MEX3B: variants seen among roughly 807,000 people sequenced by gnomAD.
MEX3B encodes the protein mex-3 RNA binding family member B, also known as RNA-binding protein MEX3B.
In MEX3B, 10 loss-of-function variants were observed where a neutral mutation model predicts 12.2. The observed-to-expected ratio is 0.82, with a 90% CI of 0.51 to 1.40. MEX3B has a LOEUF of 1.40. Among genes scored for constraint, MEX3B ranks in the 40% most tolerant of loss-of-function variants. The pLI is 0.00. For synonymous variants in MEX3B, 498 were observed against 356.3 expected, an observed-to-expected ratio of 1.40 and a Z score of -4.48; for missense variants, 839 against 801.4, an observed-to-expected ratio of 1.05 and a Z score of -0.57.
rs760776824 is a variant in MEX3B, at chr15:82,044,435, C to T, written c.435G>A (p.Thr145=). The change falls in exon 2 of 2, where the codon ACG becomes ACA. Residue 145 remains threonine (T), a synonymous_variant. Transcript: ENST00000329713. The surrounding 1 kb of genome is among the most constrained non-coding windows in gnomAD (Gnocchi z 5.3). ...SMIRASRNKN[T]ALNGAVPGPP... ...GCCCAGGCACCGCGCCGTTGAGTGCCGTGTTCTTATTCCGGGAGGCGCGGA... is the reference window on the plus strand; with the variant it reads ...GCCCAGGCACCGCGCCGTTGAGTGCTGTGTTCTTATTCCGGGAGGCGCGGA... The T allele has an allele frequency of 6.2e-7, 1 of 1,612,888 alleles. No homozygotes were observed. Among genetic ancestry groups the T allele is most frequent in the Admixed American group, 1.7e-5 (1 of 60,018 alleles).
At position 82,042,046 on chromosome 15, in the gene MEX3B, A is replaced by G. The variant is rs1052093237; in HGVS notation, c.*1114T>C. 5 of 152,664 alleles carry G rather than the reference A, an allele frequency of 3.3e-5. No individual in the cohort carries two copies. The South Asian group carries it at 1.0e-3, about 32-fold the overall frequency. 9.5% of individuals were successfully genotyped at this position (152,664 alleles called of 1,614,324 possible). A position where few individuals can be genotyped will look rare whatever the true frequency, so the allele number is the denominator to read the frequency against. ...CAAGTAACATCACCTACATATACATAAACAAGTGGTAAACAAATGTATTAA... is the reference window on the plus strand; with the variant it reads ...CAAGTAACATCACCTACATATACATGAACAAGTGGTAAACAAATGTATTAA... On this transcript the variant is annotated 3_prime_UTR_variant, in exon 2 of 2. Coordinates refer to ENST00000329713, the MANE Select transcript of MEX3B (RefSeq NM_032246.6).
intron 1 of MEX3B, 117 bp downstream of exon 1, chr15:82,045,333 T>C (rs2141170817): frequency 7.7e-7 from 1 of 1,292,578 alleles, no homozygotes; most frequent in Non-Finnish European, 1.1e-6. Context: ...CGGCTCTTCC[T>C]CTCTCCCCAA....
intron 1 of MEX3B, chr15:82,045,144 G>T: frequency 1.6e-6 from 1 of 607,584 alleles, no homozygotes; most frequent in East Asian, 2.7e-5. Context: ...ACTGATCAAA[G>T]GCCCCCTCCC....
rs1415311428 is a variant in MEX3B at position 82,045,579 on chromosome 15, G to A, written c.127C>T (p.Leu43=). The A allele has an allele frequency of 4.3e-6, 7 of 1,611,136 alleles. No homozygotes were observed. The South Asian group carries it at 6.6e-5, about 15-fold the overall frequency. The change falls in exon 1 of 2, where the codon CTG becomes TTG. Residue 43 remains leucine, a synonymous_variant. Coordinates refer to ENST00000329713, the MANE Select transcript of MEX3B (RefSeq NM_032246.6). The part of the protein sequence containing the change: ...ALQLALDQLS[L]LGLDSDEGAS... The stretch of plus-strand genomic sequence containing the variant: ...CCCTCGTCACTGTCCAGCCCCAGCA[G>A]GGAGAGCTGGTCGAGCGCGAGCTGC...
In MEX3B at chr15:82,042,161, TTC is replaced by T. The variant is rs1463165455; in HGVS notation, c.*997_*998del. On this transcript the variant is annotated 3_prime_UTR_variant, in exon 2 of 2. Transcript: ENST00000329713. ...TACAAATGTTAGAAAGCATCAACAG[TTC>T]TTTTTGACATGTTTATACATTTCCG... 1 of 152,622 alleles carries T rather than the reference TTC, an allele frequency of 6.6e-6. No individual in the cohort carries two copies. The highest frequency in any genetic ancestry group is 2.4e-5 in the African/African-American group (1 of 41,460). 9.5% of individuals were successfully genotyped at this position (152,622 alleles called of 1,614,324 possible). A position where few individuals can be genotyped will look rare whatever the true frequency, so the allele number is the denominator to read the frequency against.
rs755296730 is a variant in MEX3B at position 82,043,652 on chromosome 15, G to A, written c.1218C>T (p.Ser406=). The stretch of plus-strand genomic sequence containing the variant: ...CACCCCCGGGGAAGACCACGGAGGA[G>A]GAAGAAGCAGACGAAGATGCAGAAG... ...CSSSASSSAS[S]SSVVFPGGGA... The change falls in exon 2 of 2, where the codon TCC becomes TCT. Residue 406 remains serine (S), a synonymous_variant. Transcript: ENST00000329713. The A allele has an allele frequency of 4.3e-6, 7 of 1,610,786 alleles. No individual in the cohort carries two copies. Among genetic ancestry groups the A allele is most frequent in the Middle Eastern group, 1.7e-4 (1 of 6,054 alleles).
rs2073235531 is a variant in MEX3B at position 82,043,674 on chromosome 15, G to T, written c.1196C>A (p.Ser399Tyr). 1 of 1,608,496 alleles carries T rather than the reference G, an allele frequency of 6.2e-7. No homozygotes were observed. The highest frequency in any genetic ancestry group is 1.3e-5 in the African/African-American group (1 of 74,746). ...GGAGGAAGAAGCAGACGAAGATGCA[G>T]AAGAAGAGCAGGAAGAAGATACCGG... is the stretch of plus-strand genomic sequence containing the variant. ...AAPVSSSCSS[S>Y]ASSSASSSSV... The change falls in exon 2 of 2, where the codon TCT (serine) becomes TAT (tyrosine). Residue 399 changes from serine (S) to tyrosine (Y), a missense_variant. This residue lies in a region of MEX3B where 573 missense variants were observed against 488.9 expected (regional missense o/e 1.17). Transcript: ENST00000329713.
rs1263340383 is a variant in MEX3B, at chr15:82,043,978, C to T, written c.892G>A (p.Asp298Asn). The change falls in exon 2 of 2, where the codon GAC becomes AAC. Residue 298 changes from aspartate (D) to asparagine (N), a missense_variant. Physicochemically the swap from Asp to Asn is conservative, Grantham distance 23. Coordinates refer to ENST00000329713, the MANE Select transcript of MEX3B (RefSeq NM_032246.6). ...CTGGTCCCGCCGCCGAAATAAGAGTCTGTGGAAGCACTGCCAAGCGAGCTG... is the reference window on the plus strand; with the variant it reads ...CTGGTCCCGCCGCCGAAATAAGAGTTTGTGGAAGCACTGCCAAGCGAGCTG... ...SSSSLGSASTDSYFGGGTSSS... is the reference protein window; with the variant it reads ...SSSSLGSASTNSYFGGGTSSS... 6.2e-7 allele frequency: 1 copy of T among 1,609,304 alleles called. No homozygotes were observed. Among genetic ancestry groups the T allele is most frequent in the Non-Finnish European group, 8.5e-7 (1 of 1,179,860 alleles).
In MEX3B at chr15:82,043,312, C is replaced by G. The variant is rs1219465048; in HGVS notation, c.1558G>C (p.Val520Leu). The G allele has an allele frequency of 6.2e-7, 1 of 1,609,776 alleles. No individual in the cohort carries two copies. The highest frequency in any genetic ancestry group is 2.2e-5 in the East Asian group (1 of 44,834). ...GCAATCACTTCGCTCTCGAAGCACA[C>G]GGAGCAGTCGCGGCTGCCTTTACGC... is the stretch of plus-strand genomic sequence containing the variant. ...LRRKGSRDCS[V>L]CFESEVIAAL... is the part of the protein sequence containing the mutation. The change falls in exon 2 of 2, where the codon GTG (valine) becomes CTG (leucine). Residue 520 changes from valine (V) to leucine (L), a missense_variant. Transcript: ENST00000329713.
Position 82,044,637 on chromosome 15 carries a change from G to C in MEX3B, c.257-24C>G. On this transcript the variant is annotated intron_variant, in intron 1 of 1. Transcript: ENST00000329713. This position sits in a 1 kb window ranked among gnomAD's most constrained non-coding sequence, Gnocchi z 5.3. ...ACCTACGAACCAGGGTGCGGAGGAG[G>C]GAGTGGGAGAGAGAGACAGACACGC... is the stretch of plus-strand genomic sequence containing the variant. 2 of 1,612,856 alleles carry C rather than the reference G, an allele frequency of 1.2e-6. No individual in the cohort carries two copies. The highest frequency in any genetic ancestry group is 1.7e-6 in the Non-Finnish European group (2 of 1,179,166).
At position 82,043,867 on chromosome 15, in the gene MEX3B, T is replaced by C. The variant is rs1481594978; in HGVS notation, c.1003A>G (p.Asn335Asp). 50 of 1,590,730 alleles carry C rather than the reference T, an allele frequency of 3.1e-5. No homozygotes were observed. Among genetic ancestry groups the C allele is most frequent in the Non-Finnish European group, 4.3e-5 (50 of 1,169,004 alleles). The change falls in exon 2 of 2, where the codon AAT (asparagine) becomes GAT (aspartate). Residue 335 changes from asparagine (N) to aspartate (D), a missense_variant. Coordinates refer to ENST00000329713, the MANE Select transcript of MEX3B (RefSeq NM_032246.6). ...GTGTAGGTGTACCCATTGCCGTTAT[T>C]GTTATTGTTTCCGTTGTGCGCAAAG... The part of the protein sequence containing the change: ...LSFAHNGNNN[N>D]NGNGYTYTAG...
chr15:82,044,690 C>A lies in MEX3B; in HGVS notation c.257-77G>T, dbSNP rs2073245534. ...ATTATCCTGGGGTAACCGCGGGGAC[C>A]GGGGACAGCCCGCGTCCAGGACAGC... is the stretch of plus-strand genomic sequence containing the variant. On this transcript the variant is annotated intron_variant, in intron 1 of 1. Transcript: ENST00000329713. The surrounding 1 kb of genome is among the most constrained non-coding windows in gnomAD (Gnocchi z 5.3). 7.0e-7 allele frequency: 1 copy of A among 1,435,954 alleles called. No individual in the cohort carries two copies. Among genetic ancestry groups the A allele is most frequent in the South Asian group, 1.2e-5 (1 of 86,512 alleles). The allele number at this position is 1,435,954 out of a possible 1,614,324, so 89.0% of individuals were successfully genotyped here.
chr15:82,044,372 C>T lies in MEX3B; in HGVS notation c.498G>A (p.Arg166=), dbSNP rs199894852. The T allele has an allele frequency of 3.7e-6, 6 of 1,611,614 alleles. No individual in the cohort carries two copies. In the Admixed American group the frequency reaches 6.7e-5, roughly 18 times the overall value. ...CGAGCCCCACCACGCGGTAGGGTAC[C>T]CGCACTTGGATGGTGGTCTGCCCGG... ...NLPGQTTIQV[R]VPYRVVGLVV... The change falls in exon 2 of 2, where the codon CGG becomes CGA. Residue 166 remains arginine (R), a synonymous_variant. Coordinates refer to ENST00000329713, the MANE Select transcript of MEX3B (RefSeq NM_032246.6). The surrounding 1 kb of genome is among the most constrained non-coding windows in gnomAD (Gnocchi z 5.3).
Position 82,043,854 on chromosome 15 carries a change from C to G in MEX3B, c.1016G>C (p.Gly339Ala). ...HNGNNNNNGN[G>A]YTYTAGGEAS... ...TTCTCCCCCCGCTGTGTAGGTGTAC[C>G]CATTGCCGTTATTGTTATTGTTTCC... The change falls in exon 2 of 2, where the codon GGG becomes GCG. Residue 339 changes from glycine (G) to alanine (A), a missense_variant. Gly to Ala is a moderately conservative substitution (Grantham distance 60, BLOSUM62 0). This residue lies in a region of MEX3B where 573 missense variants were observed against 488.9 expected (regional missense o/e 1.17). Coordinates refer to ENST00000329713, the MANE Select transcript of MEX3B (RefSeq NM_032246.6). 1 of 1,592,742 alleles carries G rather than the reference C, an allele frequency of 6.3e-7. No homozygotes were observed. Among genetic ancestry groups the G allele is most frequent in the African/African-American group, 1.3e-5 (1 of 74,536 alleles).
chr15:82,043,103 G>A lies in MEX3B; in HGVS notation c.*57C>T, dbSNP rs11073028. ...GGCAGGCGAGCGCTGGGGAAAGAGGGTGGGGAGGGGTTCCCCCTTCCCCCA... is the reference window on the plus strand; with the variant it reads ...GGCAGGCGAGCGCTGGGGAAAGAGGATGGGGAGGGGTTCCCCCTTCCCCCA... On this transcript the variant is annotated 3_prime_UTR_variant, in exon 2 of 2. Coordinates refer to ENST00000329713, the MANE Select transcript of MEX3B (RefSeq NM_032246.6). The A allele has an allele frequency of 1, 1,405,392 of 1,405,532 alleles. 702,626 individuals carry two copies. Among genetic ancestry groups the A allele is most frequent in the Middle Eastern group, 1 (4,002 of 4,002 alleles). The allele number at this position is 1,405,532 out of a possible 1,614,324, so 87.1% of individuals were successfully genotyped here.
rs1052627065 is a variant in MEX3B at position 82,042,328 on chromosome 15, T to C, written c.*832A>G. On this transcript the variant is annotated 3_prime_UTR_variant, in exon 2 of 2. Coordinates refer to ENST00000329713, the MANE Select transcript of MEX3B (RefSeq NM_032246.6). ...ACTGTTCAAAACATTACACATTTTATGGTTGTAATTCCGTCACAATTGTGT... is the reference window on the plus strand; with the variant it reads ...ACTGTTCAAAACATTACACATTTTACGGTTGTAATTCCGTCACAATTGTGT... 1 of 152,644 alleles carries C rather than the reference T, an allele frequency of 6.6e-6. No homozygotes were observed. The highest frequency in any genetic ancestry group is 1.5e-5 in the Non-Finnish European group (1 of 68,046). The allele number at this position is 152,644 out of a possible 1,614,324, so 9.5% of individuals were successfully genotyped here.
chr15:82,043,931 C>G lies in MEX3B; in HGVS notation c.939G>C (p.Gln313His). 1 of 1,603,410 alleles carries G rather than the reference C, an allele frequency of 6.2e-7. No homozygotes were observed. Among genetic ancestry groups the G allele is most frequent in the Non-Finnish European group, 8.5e-7 (1 of 1,177,606 alleles). Residue 313 changes from glutamine to histidine, a missense_variant, in exon 2 of 2, where the codon CAG becomes CAC. By Grantham distance (24) the Gln-to-His change is conservative. Transcript: ENST00000329713. ...GGTSSSAAAT[Q>H]RLADYSPPSP... ...TAGGGGGGCTGTAGTCCGCCAGGCG[C>G]TGGGTAGCCGCTGCGCTGCTGCTGG...
chr15:82,043,906 TA>T lies in MEX3B; in HGVS notation c.963del (p.Ser322AlafsTer4), dbSNP rs2073238198. On this transcript the variant is annotated frameshift_variant, in exon 2 of 2. Transcript: ENST00000329713. LOFTEE classifies it low-confidence loss of function (END_TRUNC). The stretch of plus-strand genomic sequence containing the variant: ...TTGTGCGCAAAGCTCAGGGCGGGGC[TA>T]GGGGGGCTGTAGTCCGCCAGGCGCT... ...ATQRLADYSP[P>X]SPALSFAHNG... 6.9e-6 allele frequency: 11 copies of T among 1,597,420 alleles called. No individual in the cohort carries two copies. The highest frequency in any genetic ancestry group is 1.1e-5 in the South Asian group (1 of 88,966).
At position 82,045,657 on chromosome 15, in the gene MEX3B, CGCCGCCGCT is replaced by C. The variant is rs756729330; in HGVS notation, c.40_48del (p.Ser14_Gly16del). ...CCCCCTCCGCTGCTGCCGCCGCCGC[CGCCGCCGCT>C]GCCGTTGCGCTCCAGGTCTGCGAAC... is the stretch of plus-strand genomic sequence containing the variant. On this transcript the variant is annotated inframe_deletion, in exon 1 of 2. Transcript: ENST00000329713. The C allele has an allele frequency of 3.2e-6, 5 of 1,564,596 alleles. No individual in the cohort carries two copies. The highest frequency in any genetic ancestry group is 3.4e-6 in the Non-Finnish European group (4 of 1,160,858).
Sources: allele counts gnomAD v4.1 joint callset, GRCh38; gene constraint gnomAD v4.1.1; regional missense constraint gnomAD v4.1.1; non-coding constraint Gnocchi (gnomAD v3.1); transcripts MANE v1.5; gene names NCBI Gene and HGNC (gene_info 2026-07-23, HGNC 2026-07-21).